Variants in SLC4A4 observed in about 807,000 individuals in gnomAD.
The protein encoded by SLC4A4 is solute carrier family 4 member 4, also known as electrogenic sodium bicarbonate cotransporter 1.
In SLC4A4, 27 loss-of-function variants were observed where a neutral mutation model predicts 111.5. That is an observed-to-expected ratio of 0.24 (90% CI 0.18 to 0.33). SLC4A4 has a LOEUF of 0.33. Among genes scored for constraint, SLC4A4 ranks in the 10% least tolerant of loss-of-function variants. The pLI, the probability that SLC4A4 is intolerant of heterozygous loss-of-function variation, is 1.00. For synonymous variants in SLC4A4, 443 were observed against 463.4 expected (o/e 0.96, Z 0.57); for missense variants, 909 against 1,315.5 (o/e 0.69, Z 4.78).
intron 18 of SLC4A4, among the ~76,000 whole-genome samples, chr4:71,535,143 A>G (rs1192966976): frequency 6.6e-6 from 1 of 152,090 alleles, no homozygotes; most frequent in Non-Finnish European, 1.5e-5. Flanking sequence ...GCCATCTTCT[A>G]AGCACTTTGT....
At chr4:71,417,721 T>C (rs565836106) in intron 7 of SLC4A4, among the ~76,000 whole-genome samples, 23 of 152,350 alleles carry the variant, frequency 1.5e-4, no homozygotes, top group Middle Eastern at 3.4e-3. Flanking sequence ...TTTAAAGGTA[T>C]CTTTACAGAA....
chr4:71,200,685 A>T (rs1342333542), intron 1 of SLC4A4, among the ~76,000 whole-genome samples: 1 of 152,192 alleles, frequency 6.6e-6, no homozygotes, highest in Non-Finnish European at 1.5e-5. Flanking sequence ...GTGGAAGGAT[A>T]TGAAAGGATG....
chr4:71,209,962 G>T (rs185147765), intron 1 of SLC4A4, among the ~76,000 whole-genome samples: 6 of 152,318 alleles, frequency 3.9e-5, no homozygotes, highest in Non-Finnish European at 8.8e-5. Flanking sequence ...AAGTCTCTGA[G>T]AATTGAACAT....
chr4:71,567,766 T>C (rs529365026), intron 25 of SLC4A4, 22 bp from the exon 26 acceptor site: 2 of 1,212,992 alleles, frequency 1.6e-6, no homozygotes, highest in Non-Finnish European at 2.3e-6. Flanking sequence ...ACTTACTACT[T>C]TTTTTTTTCC....
intron 2 of SLC4A4, among the ~76,000 whole-genome samples, chr4:71,135,563 T>C (rs1470682336): frequency 6.6e-6 from 1 of 152,202 alleles, no homozygotes; most frequent in African/African-American, 2.4e-5. Flanking sequence ...CCCAAAGTGC[T>C]GGGATTACAG....
chr4:71,244,053 C>A (rs1720447998), intron 2 of SLC4A4, among the ~76,000 whole-genome samples: 1 of 152,034 alleles, frequency 6.6e-6, no homozygotes, highest in Admixed American at 6.6e-5. Flanking sequence ...CACTACCCAA[C>A]CCCCAATTGA....
At chr4:71,175,319 T>G (rs1578551746) in intron 2 of SLC4A4, among the ~76,000 whole-genome samples, 1 of 152,194 alleles carries the variant, frequency 6.6e-6, no homozygotes, top group Non-Finnish European at 1.5e-5. Flanking sequence ...GGGGTTCATC[T>G]CACTGGGGAT....
At chr4:71,226,233 C>T (rs1435688684) in intron 1 of SLC4A4, among the ~76,000 whole-genome samples, 1 of 152,172 alleles carries the variant, frequency 6.6e-6, no homozygotes, top group East Asian at 1.9e-4. Context: ...AGCCTCAAAG[C>T]TCCTGGGCTC....
intron 1 of SLC4A4, among the ~76,000 whole-genome samples, chr4:71,195,691 G>T (rs548063558): frequency 3.3e-5 from 5 of 152,192 alleles, no homozygotes; most frequent in Non-Finnish European, 5.9e-5. Context: ...TTTATTTAAA[G>T]CTGGAAGCAA....
intron 3 of SLC4A4, among the ~76,000 whole-genome samples, chr4:71,294,911 T>C (rs906400871): frequency 1.3e-5 from 2 of 152,236 alleles, no homozygotes; most frequent in Non-Finnish European, 2.9e-5. Context: ...GTTTAGTTTT[T>C]TCCTATGACA....
At chr4:71,192,790 G>A (rs770452896) in intron 1 of SLC4A4, among the ~76,000 whole-genome samples, 83 of 152,266 alleles carry the variant, frequency 5.5e-4, no homozygotes, top group Non-Finnish European at 9.1e-4. Context: ...CATATAACCA[G>A]TGCCAAGACC....
chr4:71,108,994 T>C (rs1328809494), intron 2 of SLC4A4, among the ~76,000 whole-genome samples: 1 of 152,168 alleles, frequency 6.6e-6, no homozygotes, highest in Non-Finnish European at 1.5e-5. Context: ...GGACATTTTC[T>C]GTTGGTTTAT....
chr4:71,453,660 C>T lies in SLC4A4; in HGVS notation c.1488C>T (p.Asp496=). 6.2e-7 allele frequency: 1 copy of T among 1,613,834 alleles called. No individual in the cohort carries two copies. The highest frequency in any genetic ancestry group is 2.2e-5 in the East Asian group (1 of 44,852). ...TFGGLLGDAT[D]NMQGVLESFL... ...GAGGACTGCTTGGGGATGCCACTGA[C>T]AACATGCAGGTGGGTATGGTTTTGA... Residue 496 remains aspartate, a synonymous_variant, in exon 12 of 26, where the codon GAC becomes GAT. Transcript: ENST00000264485.
chr4:71,319,381 A>G (rs891189577), intron 3 of SLC4A4, among the ~76,000 whole-genome samples: 3 of 151,952 alleles, frequency 2.0e-5, no homozygotes, highest in Admixed American at 6.6e-5. Context: ...AGGTTTATCT[A>G]TCTTGGCCAC....
chr4:71,307,922 T>A (rs781549948), intron 3 of SLC4A4, among the ~76,000 whole-genome samples: 2 of 152,084 alleles, frequency 1.3e-5, no homozygotes, highest in Non-Finnish European at 2.9e-5. Context: ...CTGAATACCC[T>A]CCCTCTTACA....
intron 7 of SLC4A4, among the ~76,000 whole-genome samples, chr4:71,424,939 A>G (rs184895465): frequency 4.9e-4 from 75 of 152,192 alleles, no homozygotes; most frequent in African/African-American, 1.7e-3. Context: ...ATGTATACAT[A>G]TGTAACTAAC....
At chr4:71,402,748 G>C (rs568743852) in intron 7 of SLC4A4, among the ~76,000 whole-genome samples, 1 of 152,314 alleles carries the variant, frequency 6.6e-6, no homozygotes, top group South Asian at 2.1e-4. Context: ...AGCACCTACA[G>C]CTTTCCTTCA....
At chr4:71,446,872 A>G (rs959432118) in intron 8 of SLC4A4, among the ~76,000 whole-genome samples, 1 of 152,222 alleles carries the variant, frequency 6.6e-6, no homozygotes, top group African/African-American at 2.4e-5. Context: ...CCAACATGCC[A>G]CAGGGCAAAG....
At chr4:71,281,272 G>T (rs945159252) in intron 3 of SLC4A4, among the ~76,000 whole-genome samples, 1 of 152,200 alleles carries the variant, frequency 6.6e-6, no homozygotes, top group Non-Finnish European at 1.5e-5. Flanking sequence ...CTTAAGGGCT[G>T]CAAATTGGGG....
Sources: gnomAD v4.1 joint callset for allele counts (sites outside exome capture counted in the v4.1 genomes callset) on GRCh38, gnomAD v4.1.1 for gene constraint, MANE v1.5 for transcripts, NCBI Gene and HGNC (gene_info 2026-07-23, HGNC 2026-07-21) for gene names.